ANO3: variants seen among roughly 807,000 people sequenced by gnomAD.
ANO3 encodes anoctamin 3, also known as anoctamin-3.
In ANO3, 99 loss-of-function variants were observed where a neutral mutation model predicts 144.8. The observed-to-expected ratio is 0.68, with a 90% CI of 0.58 to 0.81. ANO3 has a LOEUF of 0.81. ANO3 is among the 30% of genes least tolerant of loss of function. The pLI is 0.00. For synonymous variants in ANO3, 414 were observed against 392.6 expected (o/e 1.05, Z -0.64); for missense variants, 905 against 1,202.2 (o/e 0.75, Z 3.66).
At chr11:26,273,568 G>A (rs997674407) in intron 1 of ANO3, among the ~76,000 whole-genome samples, 1 of 151,204 alleles carries the variant, frequency 6.6e-6, no homozygotes, top group Non-Finnish European at 1.5e-5. Context: ...TGGATGTTTT[G>A]CATGCCTTCA....
intron 4 of ANO3, among the ~76,000 whole-genome samples, chr11:26,500,583 T>G (rs930864749): frequency 6.6e-6 from 1 of 152,142 alleles, no homozygotes; most frequent in African/African-American, 2.4e-5. Flanking sequence ...TGCTTGTTGG[T>G]CATTTCTATA....
chr11:26,509,672 A>C (rs1184086071), intron 5 of ANO3, among the ~76,000 whole-genome samples: 1 of 152,192 alleles, frequency 6.6e-6, no homozygotes, highest in Non-Finnish European at 1.5e-5. Flanking sequence ...AAGGAAAAAA[A>C]AACTGTTTTT....
chr11:26,343,473 T>C (rs1193468227), intron 1 of ANO3, among the ~76,000 whole-genome samples: 2 of 152,208 alleles, frequency 1.3e-5, no homozygotes, highest in African/African-American at 4.8e-5. Context: ...TCCATAATGC[T>C]TTTATAATGG....
At chr11:26,576,904 C>A (rs1222934943) in intron 14 of ANO3, among the ~76,000 whole-genome samples, 1 of 152,074 alleles carries the variant, frequency 6.6e-6, no homozygotes, top group Non-Finnish European at 1.5e-5. Flanking sequence ...TATTTGTCAA[C>A]AATAATAACA....
chr11:26,595,458 TTG>T lies in ANO3; in HGVS notation c.1448-2905_1448-2904del, dbSNP rs1491012612. Among the ~76,000 whole-genome samples, 11 of 101,386 alleles carry T rather than the reference TTG, an allele frequency of 1.1e-4. 1 individual carries two copies. Among genetic ancestry groups the T allele is most frequent in the South Asian group, 4.1e-4 (1 of 2,416 alleles). The allele number at this position is 101,386 out of a possible 152,430, so 66.5% of individuals were successfully genotyped here. On this transcript the variant is annotated intron_variant, in intron 14 of 26. Transcript: ENST00000256737. ...CTTTTGACTCAGTATTGAGATAGAG[TTG>T]TTTTTTTTTTTTTTTTTTTTTTTTT...
rs1369494322 is a variant in ANO3, at chr11:26,244,126, A to AAAAAAGAAAAGAAAAAG, written c.154+54812_154+54828dup. The stretch of plus-strand genomic sequence containing the variant: ...AGCAAGACTCTGTCTGAAAAAAAAA[A>AAAAAAGAAAAGAAAAAG]AAAAAGAAAAGAAAAAGAAAAAGAA... On this transcript the variant is annotated intron_variant, in intron 1 of 27. Transcript: ENST00000672621. 1.1e-4 allele frequency among the ~76,000 whole-genome samples: 16 copies of AAAAAAGAAAAGAAAAAG among 142,524 alleles called. No homozygotes were observed. In the South Asian group the frequency reaches 3.7e-3, roughly 33 times the overall value. The allele number at this position is 142,524 out of a possible 152,430, so 93.5% of individuals were successfully genotyped here. A position where few individuals can be genotyped will look rare whatever the true frequency, so the allele number is the denominator to read the frequency against.
intron 14 of ANO3, chr11:26,560,825 A>C (rs1007536146): frequency 2.2e-5 from 8 of 368,482 alleles, no homozygotes; most frequent in Non-Finnish European, 3.4e-5. Flanking sequence ...CTAAGAAAAT[A>C]CTACTAAAAT....
chr11:26,551,047 T>TAA (rs1477563618), intron 12 of ANO3, among the ~76,000 whole-genome samples: 1 of 151,956 alleles, frequency 6.6e-6, no homozygotes, highest in East Asian at 1.9e-4. Context: ...TTATCCATAA[T>TAA]GCCCTACTGG....
At chr11:26,596,796 C>A (rs1851641977) in intron 14 of ANO3, among the ~76,000 whole-genome samples, 1 of 152,152 alleles carries the variant, frequency 6.6e-6, no homozygotes, top group Non-Finnish European at 1.5e-5. Context: ...CACACATGGG[C>A]AACTGTTGAG....
rs532907401 is a variant in ANO3, at chr11:26,225,653, T to C, written c.154+36323T>C. Among the ~76,000 whole-genome samples the C allele has an allele frequency of 1.5e-4, 23 of 152,290 alleles. No homozygotes were observed. In the South Asian group the frequency reaches 4.6e-3, roughly 30 times the overall value. ...AGTGACACAATCATTTTTGGTAACA[T>C]ATAATTTTTAGGATTAATGTCAAAT... On this transcript the variant is annotated intron_variant, in intron 1 of 27. Transcript: ENST00000672621.
chr11:26,216,877 T>C (rs1852044797), intron 1 of ANO3, among the ~76,000 whole-genome samples: 1 of 152,056 alleles, frequency 6.6e-6, no homozygotes. Flanking sequence ...TGGTGAGCTG[T>C]CTGTTCAAAT....
intron 4 of ANO3, among the ~76,000 whole-genome samples, chr11:26,506,983 G>C (rs191512669): frequency 7.7e-4 from 117 of 152,278 alleles, no homozygotes; most frequent in African/African-American, 2.6e-3. Context: ...TGAATCTCAA[G>C]AATGCCTGTA....
At chr11:26,449,175 A>T (rs1858821568) in intron 3 of ANO3, among the ~76,000 whole-genome samples, 2 of 152,098 alleles carry the variant, frequency 1.3e-5, no homozygotes, top group Admixed American at 1.3e-4. Flanking sequence ...TGTTCACAAT[A>T]AATATGTGCT....
In ANO3 at chr11:26,660,507, T is replaced by C; in HGVS notation, c.*63T>C. 1 of 1,477,706 alleles carries C rather than the reference T, an allele frequency of 6.8e-7. No individual in the cohort carries two copies. Among genetic ancestry groups the C allele is most frequent in the South Asian group, 1.4e-5 (1 of 73,626 alleles). 91.5% of individuals were successfully genotyped at this position (1,477,706 alleles called of 1,614,324 possible). A position where few individuals can be genotyped will look rare whatever the true frequency, so the allele number is the denominator to read the frequency against. On this transcript the variant is annotated 3_prime_UTR_variant, in exon 27 of 27. Coordinates refer to ENST00000256737, the MANE Select transcript of ANO3 (RefSeq NM_031418.4). ...GGGAAGAAATGATGGCAACTTTGAA[T>C]GCTAGGTGAAATCTAGGAGGAAGGC...
At chr11:26,297,184 C>CATGTGTGTGT (rs1854110895) in intron 1 of ANO3, among the ~76,000 whole-genome samples, 1 of 146,338 alleles carries the variant, frequency 6.8e-6, no homozygotes, top group African/African-American at 2.5e-5. Flanking sequence ...TCAACCATTG[C>CATGTGTGTGT]GTGTGTGTGT....
intron 1 of ANO3, among the ~76,000 whole-genome samples, chr11:26,353,694 G>C (rs894788828): frequency 7.2e-5 from 11 of 152,048 alleles, no homozygotes; most frequent in Non-Finnish European, 1.2e-4. Context: ...TCAGCCCCCC[G>C]AGTAGCTGGG....
upstream of ANO3, among the ~76,000 whole-genome samples, chr11:26,328,137 A>G (rs1004820130): frequency 6.6e-6 from 1 of 152,174 alleles, no homozygotes; most frequent in Non-Finnish European, 1.5e-5. Flanking sequence ...CCATGACTTT[A>G]TCTTAGACAC....
chr11:26,195,324 A>G (rs1851563309), intron 1 of ANO3, among the ~76,000 whole-genome samples: 1 of 152,304 alleles, frequency 6.6e-6, no homozygotes, highest in East Asian at 1.9e-4. Flanking sequence ...AGTAGCTGGA[A>G]ATTTTACTTT....
chr11:26,323,424 C>G (rs11029516), intron 1 of ANO3, among the ~76,000 whole-genome samples: 3 of 152,208 alleles, frequency 2.0e-5, no homozygotes, highest in East Asian at 1.9e-4. Flanking sequence ...ATTCTCCCCC[C>G]AGACTTACTG....
Sources: allele counts gnomAD v4.1 joint callset (sites outside exome capture counted in the v4.1 genomes callset), GRCh38; gene constraint gnomAD v4.1.1; transcripts MANE v1.5; gene names NCBI Gene and HGNC (gene_info 2026-07-23, HGNC 2026-07-21).